The following FMN1 variants were observed in gnomAD, a reference collection of about 807,000 sequenced individuals.
The protein encoded by FMN1 is formin-1.
In FMN1, 110 loss-of-function variants were observed where a neutral mutation model predicts 132.4. The observed-to-expected ratio is 0.83, with a 90% CI of 0.71 to 0.97. The LOEUF (loss-of-function observed/expected upper bound fraction) is 0.97, where lower values mean the gene tolerates loss of function less well. Ranked by LOEUF, FMN1 falls within the 50% of genes least tolerant of loss-of-function variation. The pLI, the probability that FMN1 is intolerant of heterozygous loss-of-function variation, is 0.00. For missense variants in FMN1, 1,792 were observed against 1,705.3 expected (o/e 1.05, Z -0.90); for synonymous variants, 722 against 651.7 (o/e 1.11, Z -1.64).
intron 6 of FMN1, among the ~76,000 whole-genome samples, chr15:33,038,339 T>C (rs550447881): frequency 1.8e-4 from 28 of 152,382 alleles, no homozygotes; most frequent in African/African-American, 6.3e-4. Flanking sequence ...TGTTTAAAAA[T>C]GGTGTGACCT....
At chr15:32,921,985 C>T (rs1259266536) in intron 10 of FMN1, among the ~76,000 whole-genome samples, 1 of 152,156 alleles carries the variant, frequency 6.6e-6, no homozygotes, top group African/African-American at 2.4e-5. Flanking sequence ...GCTCTTTCCT[C>T]AATTGGAAAA....
intron 6 of FMN1, among the ~76,000 whole-genome samples, chr15:33,057,266 G>T (rs1311430891): frequency 2.6e-5 from 4 of 152,088 alleles, no homozygotes; most frequent in Admixed American, 2.6e-4. Flanking sequence ...ATTGGAAGGG[G>T]GCAAGAAGGA....
chr15:32,938,473 G>A (rs1440761420), intron 9 of FMN1, among the ~76,000 whole-genome samples: 6 of 152,158 alleles, frequency 3.9e-5, no homozygotes, highest in African/African-American at 1.4e-4. Context: ...AAGTTGCAGT[G>A]AGCCAAGATC....
At chr15:33,080,463 C>A (rs2141320388) in intron 5 of FMN1, among the ~76,000 whole-genome samples, 1 of 152,290 alleles carries the variant, frequency 6.6e-6, no homozygotes, top group Admixed American at 6.5e-5. Context: ...TTAAAAGTTC[C>A]AGAGACTGGC....
chr15:33,036,716 T>C (rs1185298146), intron 6 of FMN1, among the ~76,000 whole-genome samples: 1 of 152,242 alleles, frequency 6.6e-6, no homozygotes, highest in African/African-American at 2.4e-5. Context: ...ATAATAAGTA[T>C]TAAAATTTAA....
intron 19 of FMN1, among the ~76,000 whole-genome samples, chr15:32,786,848 G>A (rs1190941089): frequency 6.6e-6 from 1 of 152,174 alleles, no homozygotes; most frequent in Non-Finnish European, 1.5e-5. Context: ...TCAGAAGTAA[G>A]GCTCTGTCCA....
In FMN1 at chr15:32,821,197, T is replaced by C. The variant is rs192073972; in HGVS notation, c.3929-16865A>G. ...GCAGATTGTCTTGTCCTCTCTCAGG[T>C]TTAAATGAGTCATTTCTTTTTCCTT... On this transcript the variant is annotated intron_variant, in intron 17 of 20. Coordinates refer to ENST00000616417, the MANE Select transcript of FMN1 (RefSeq NM_001277313.2). Among the ~76,000 whole-genome samples the C allele has an allele frequency of 2.6e-5, 4 of 152,076 alleles. No homozygotes were observed. In the East Asian group the frequency reaches 7.8e-4, roughly 30 times the overall value.
chr15:32,901,849 C>T, intron 13 of FMN1, 62 bp downstream of exon 13: 1 of 1,430,252 alleles, frequency 7.0e-7, no homozygotes, highest in East Asian at 2.4e-5. Flanking sequence ...AAAGTGGTCT[C>T]TCCCACTTTC....
At chr15:33,083,095 T>C (rs1439160662) in intron 5 of FMN1, among the ~76,000 whole-genome samples, 1 of 152,142 alleles carries the variant, frequency 6.6e-6, no homozygotes, top group African/African-American at 2.4e-5. Context: ...TACACCAAAG[T>C]ACCAGTTGTG....
chr15:33,176,860 T>C (rs971406301), intron 3 of FMN1, among the ~76,000 whole-genome samples: 3 of 152,224 alleles, frequency 2.0e-5, no homozygotes, highest in Non-Finnish European at 2.9e-5. Context: ...GTCAGGGGTC[T>C]TCGCAGATGG....
chr15:33,128,034 G>A (rs1046560370), intron 4 of FMN1, among the ~76,000 whole-genome samples: 3 of 152,126 alleles, frequency 2.0e-5, no homozygotes, highest in Non-Finnish European at 4.4e-5. Flanking sequence ...AGAATGCCCA[G>A]ACACGACACA....
At chr15:32,974,227 C>T (rs2032019580) in intron 7 of FMN1, among the ~76,000 whole-genome samples, 1 of 152,230 alleles carries the variant, frequency 6.6e-6, no homozygotes. Flanking sequence ...TCCCCTCTCT[C>T]ACTCTTCCTG....
At chr15:32,779,500 C>T (rs770727779) in intron 19 of FMN1, among the ~76,000 whole-genome samples, 8 of 152,028 alleles carry the variant, frequency 5.3e-5, no homozygotes, top group Admixed American at 6.6e-5. Flanking sequence ...TTGGCAATAT[C>T]AAGTAAAACT....
chr15:32,926,258 T>C lies in FMN1; in HGVS notation c.3142A>G (p.Ile1048Val), dbSNP rs1228836197. 8 of 1,499,026 alleles carry C rather than the reference T, an allele frequency of 5.3e-6. No individual in the cohort carries two copies. In the South Asian group the frequency reaches 9.0e-5, roughly 17 times the overall value. 92.9% of individuals were successfully genotyped at this position (1,499,026 alleles called of 1,614,324 possible). A position where few individuals can be genotyped will look rare whatever the true frequency, so the allele number is the denominator to read the frequency against. Residue 1048 changes from isoleucine to valine, a missense_variant, in exon 10 of 21, where the codon ATC (isoleucine) becomes GTC (valine). Ile to Val is a conservative substitution (Grantham distance 29). Coordinates refer to ENST00000616417, the MANE Select transcript of FMN1 (RefSeq NM_001277313.2). ...YEKKNKVKKI[I>V]KLLDGKRSQT... ...GATCGTTTTCCATCCAACAATTTGA[T>C]GATCTAAAATTAGAAAAAAAAAAAA... is the stretch of plus-strand genomic sequence containing the variant.
At chr15:33,031,786 G>A (rs574085548) in intron 6 of FMN1, among the ~76,000 whole-genome samples, 66 of 152,188 alleles carry the variant, frequency 4.3e-4, no homozygotes, top group Admixed American at 4.1e-3. Context: ...TAGTTACTGT[G>A]GTAACAGATG....
chr15:32,831,398 A>AT (rs2058497969), intron 17 of FMN1, among the ~76,000 whole-genome samples: 1 of 152,052 alleles, frequency 6.6e-6, no homozygotes, highest in African/African-American at 2.4e-5. Context: ...TATAACGCAC[A>AT]TATCATGGAA....
At chr15:32,915,924 T>A (rs1405571847) in intron 10 of FMN1, among the ~76,000 whole-genome samples, 1 of 152,244 alleles carries the variant, frequency 6.6e-6, no homozygotes, top group Non-Finnish European at 1.5e-5. Flanking sequence ...TTTATTAGAT[T>A]CCTTTACCTT....
chr15:33,135,274 G>T (rs1189964940), intron 4 of FMN1, among the ~76,000 whole-genome samples: 2 of 152,300 alleles, frequency 1.3e-5, no homozygotes, highest in Non-Finnish European at 2.9e-5. Context: ...CAAAAGGCCA[G>T]TGTAACCTTT....
chr15:33,059,061 G>A (rs1271081486), intron 6 of FMN1, among the ~76,000 whole-genome samples: 2 of 152,062 alleles, frequency 1.3e-5, no homozygotes, highest in African/African-American at 4.8e-5. Flanking sequence ...CACATCCCCA[G>A]CCTCTGATAA....
Sources: allele counts gnomAD v4.1 joint callset (sites outside exome capture counted in the v4.1 genomes callset), GRCh38; gene constraint gnomAD v4.1.1; transcripts MANE v1.5; gene names NCBI Gene and HGNC (gene_info 2026-07-23, HGNC 2026-07-21).